The following SLC14A2 variants were observed in gnomAD, a reference collection of about 807,000 sequenced individuals.
SLC14A2 encodes the protein solute carrier family 14 member 2.
Under a neutral mutation model 104.6 loss-of-function variants are expected in SLC14A2, and 91 were observed. The ratio of observed to expected loss-of-function variants is 0.87; its 90% CI spans 0.73 to 1.04. The LOEUF is 1.04. SLC14A2 is among the 50% of genes least tolerant of loss of function. The pLI is 0.00. For missense variants in SLC14A2, 1,189 were observed against 1,156.0 expected (o/e 1.03, Z -0.41); for synonymous variants, 476 against 466.4 (o/e 1.02, Z -0.27).
intron 1 of SLC14A2, among the ~76,000 whole-genome samples, chr18:45,273,079 A>G (rs541420291): frequency 6.6e-6 from 1 of 152,228 alleles, no homozygotes; most frequent in East Asian, 1.9e-4. Context: ...TCTATCTGAA[A>G]TGTCTAAGAG....
intron 1 of SLC14A2, among the ~76,000 whole-genome samples, chr18:45,239,191 C>T (rs1189957256): frequency 6.6e-6 from 1 of 152,132 alleles, no homozygotes; most frequent in Non-Finnish European, 1.5e-5. Context: ...AAGGAGGAAA[C>T]TACAAGCCAG....
intron 1 of SLC14A2, among the ~76,000 whole-genome samples, chr18:45,298,235 G>A (rs1599653858): frequency 6.6e-6 from 1 of 152,176 alleles, no homozygotes; most frequent in Non-Finnish European, 1.5e-5. Context: ...ATTTGTTCTA[G>A]GAGACATCCC....
At chr18:45,456,197 G>T (rs1303719595) in intron 1 of SLC14A2, among the ~76,000 whole-genome samples, 1 of 152,122 alleles carries the variant, frequency 6.6e-6, no homozygotes, top group Non-Finnish European at 1.5e-5. Context: ...CCCCCTGGGG[G>T]CTAAAATCAT....
chr18:45,407,869 A>G (rs1028250039), intron 1 of SLC14A2, among the ~76,000 whole-genome samples: 1 of 152,194 alleles, frequency 6.6e-6, no homozygotes, highest in Non-Finnish European at 1.5e-5. Context: ...AAACAATTAC[A>G]ACAGTAATAT....
chr18:45,228,825 G>A (rs547369038), intron 1 of SLC14A2, among the ~76,000 whole-genome samples: 2 of 152,246 alleles, frequency 1.3e-5, no homozygotes, highest in South Asian at 4.1e-4. Flanking sequence ...CTTGACAGAG[G>A]CTTTGGGAGG....
intron 1 of SLC14A2, among the ~76,000 whole-genome samples, chr18:45,228,610 C>T (rs1288969602): frequency 1.3e-5 from 2 of 152,278 alleles, no homozygotes; most frequent in East Asian, 3.9e-4. Context: ...CTTCCCCCTT[C>T]TCTTCTTAGT....
chr18:45,642,131 G>A (rs1248911305), intron 8 of SLC14A2, among the ~76,000 whole-genome samples: 2 of 152,200 alleles, frequency 1.3e-5, no homozygotes, highest in East Asian at 1.9e-4. Flanking sequence ...TCCTCTCCTG[G>A]TATTGTTCTC....
chr18:45,377,760 A>C (rs967335538), intron 1 of SLC14A2, among the ~76,000 whole-genome samples: 1 of 151,968 alleles, frequency 6.6e-6, no homozygotes, highest in Non-Finnish European at 1.5e-5. Context: ...CTATAACTCT[A>C]ATTGTTCCTC....
chr18:45,177,537 G>A, the SLC14A2 span, among the ~76,000 whole-genome samples: 1 of 152,062 alleles, frequency 6.6e-6, no homozygotes, highest in Non-Finnish European at 1.5e-5. Context: ...TGTGTTGCAT[G>A]TCCTGTTTCC....
In SLC14A2 at chr18:45,624,682, C is replaced by G. The variant is rs1250203879; in HGVS notation, c.18C>G (p.Ser6Arg). 1.9e-6 allele frequency: 3 copies of G among 1,612,194 alleles called. No individual in the cohort carries two copies. The highest frequency in any genetic ancestry group is 2.5e-6 in the Non-Finnish European group (3 of 1,179,246). ...CCGAAGGAATGTCTGACCCCCACAG[C>G]AGTCCTCTCCTGCCAGAGCCACTTT... MSDPHSSPLLPEPLSS... is the reference protein window; with the variant it reads MSDPHRSPLLPEPLSS... The change falls in exon 2 of 20, where the codon AGC (serine) becomes AGG (arginine). Residue 6 changes from serine (S) to arginine (R), a missense_variant. Ser to Arg is a moderately radical substitution (Grantham distance 110, BLOSUM62 -1). Transcript: ENST00000255226.
At chr18:45,209,376 C>CA (rs560616066), upstream of SLC14A2, among the ~76,000 whole-genome samples, 1 of 150,582 alleles carries the variant, frequency 6.6e-6, no homozygotes, top group South Asian at 2.1e-4. Context: ...ACAACAACAA[C>CA]AACTGTGGTC....
intron 1 of SLC14A2, among the ~76,000 whole-genome samples, chr18:45,250,755 C>CTTT (rs67864793): frequency 0.1 from 9,746 of 93,450 alleles, 368 homozygotes; most frequent in Non-Finnish European, 0.15. Context: ...TGGCTTCTTC[C>CTTT]TTTTTTTTTT....
At chr18:45,378,054 C>T (rs1033002803) in intron 1 of SLC14A2, among the ~76,000 whole-genome samples, 3 of 152,206 alleles carry the variant, frequency 2.0e-5, no homozygotes, top group African/African-American at 7.2e-5. Context: ...ATTTCCTTCT[C>T]GAACCCAGAA....
intron 2 of SLC14A2, among the ~76,000 whole-genome samples, chr18:45,487,724 G>C (rs1420207691): frequency 6.6e-6 from 1 of 152,148 alleles, no homozygotes; most frequent in Admixed American, 6.5e-5. Flanking sequence ...CTCATCACAA[G>C]GTCCAGCTGA....
intron 10 of SLC14A2, among the ~76,000 whole-genome samples, chr18:45,655,427 C>T (rs1373252558): frequency 6.6e-6 from 1 of 152,224 alleles, no homozygotes; most frequent in Admixed American, 6.5e-5. Context: ...TATCACCACC[C>T]TGGCCTCGTT....
At chr18:45,378,683 G>A (rs2085801262) in intron 1 of SLC14A2, among the ~76,000 whole-genome samples, 1 of 152,338 alleles carries the variant, frequency 6.6e-6, no homozygotes, top group South Asian at 2.1e-4. Context: ...GAGAGGAGGG[G>A]ACATGTCTGT....
At chr18:45,204,039 T>C in the SLC14A2 span, among the ~76,000 whole-genome samples, 1 of 152,238 alleles carries the variant, frequency 6.6e-6, no homozygotes, top group Non-Finnish European at 1.5e-5. Context: ...TGCATTATCC[T>C]AAGGGGCTTG....
At chr18:45,605,776 G>A (rs573013682) in intron 2 of SLC14A2, among the ~76,000 whole-genome samples, 2 of 152,186 alleles carry the variant, frequency 1.3e-5, no homozygotes, top group African/African-American at 4.8e-5. Flanking sequence ...GAGAACACCT[G>A]GTCCCTCCAT....
chr18:45,250,751 C>CTGACTTTTTTTT lies in SLC14A2; in HGVS notation c.-125+37561_-125+37562insGACTTTTTTTTT, dbSNP rs1165070845. On this transcript the variant is annotated intron_variant, in intron 1 of 20. Coordinates refer to the SLC14A2 transcript ENST00000586448. ...AACTGAATCCTCTGGCTAGTGGCTT[C>CTGACTTTTTTTT]TTCCTTTTTTTTTTTTTTTTTTTTT... Among the ~76,000 whole-genome samples, 44 of 113,900 alleles carry CTGACTTTTTTTT rather than the reference C, an allele frequency of 3.9e-4. 1 individual carries two copies. The highest frequency in any genetic ancestry group is 7.1e-4 in the African/African-American group (18 of 25,530). The allele number at this position is 113,900 out of a possible 152,430, so 74.7% of individuals were successfully genotyped here.
Sources: allele counts gnomAD v4.1 joint callset (sites outside exome capture counted in the v4.1 genomes callset), GRCh38; gene constraint gnomAD v4.1.1; transcripts MANE v1.5; gene names NCBI Gene and HGNC (gene_info 2026-07-23, HGNC 2026-07-21).